Variants in SLC31A1 observed in about 807,000 individuals in gnomAD.
SLC31A1 encodes the protein solute carrier family 31 member 1.
SLC31A1 carries 5 observed loss-of-function variants against 17.2 expected under a neutral mutation model. That is an observed-to-expected ratio of 0.29 (90% confidence interval 0.15 to 0.61). The LOEUF (loss-of-function observed/expected upper bound fraction) is 0.61, where lower values mean the gene tolerates loss of function less well. Among genes scored for constraint, SLC31A1 ranks in the 20% least tolerant of loss-of-function variants. The probability of loss-of-function intolerance (pLI) is 0.86; values close to 1 mark genes in which losing one functional copy is unlikely to be tolerated. For synonymous variants in SLC31A1, 76 were observed against 78.8 expected (o/e 0.96, Z 0.19); for missense variants, 161 against 241.4 (o/e 0.67, Z 2.21).
chr9:113,260,218 G>C, intron 4 of SLC31A1, 54 bp from the exon 5 acceptor site: 2 of 1,503,406 alleles, frequency 1.3e-6, no homozygotes, highest in Non-Finnish European at 1.9e-6. Context: ...TCTTTCTCCT[G>C]ATCTGCAGAA....
At chr9:113,240,184 A>G (rs7851395) in intron 1 of SLC31A1, among the ~76,000 whole-genome samples, 71,524 of 151,934 alleles carry the variant, frequency 0.47, 17,161 homozygotes, top group South Asian at 0.59. Context: ...TACACAAATG[A>G]TAATTATACC....
At chr9:113,235,884 G>C (rs1831452663) in intron 1 of SLC31A1, among the ~76,000 whole-genome samples, 1 of 152,210 alleles carries the variant, frequency 6.6e-6, no homozygotes, top group Non-Finnish European at 1.5e-5. Context: ...GTTCTGGAAA[G>C]TAATATGAAC....
Position 113,260,441 on chromosome 9 carries a change from G to A in SLC31A1, c.541G>A (p.Val181Met). The A allele has an allele frequency of 6.2e-7, 1 of 1,614,084 alleles. No homozygotes were observed. The highest frequency in any genetic ancestry group is 8.5e-7 in the Non-Finnish European group (1 of 1,180,018). ...CTTCCTCTTCAGCTGGAAGAAGGCA[G>A]TGGTAGTGGATATCACAGAGCATTG... ...GYFLFSWKKA[V>M]VVDITEHCH The change falls in exon 5 of 5, where the codon GTG (valine) becomes ATG (methionine). Residue 181 changes from valine (V) to methionine (M), a missense_variant. Coordinates refer to ENST00000374212, the MANE Select transcript of SLC31A1 (RefSeq NM_001859.4).
chr9:113,250,765 A>G (rs1207765057), intron 1 of SLC31A1, among the ~76,000 whole-genome samples: 1 of 151,168 alleles, frequency 6.6e-6, no homozygotes, highest in African/African-American at 2.4e-5. Context: ...ATATATTCAG[A>G]TTTTTTTGGT....
intron 1 of SLC31A1, chr9:113,255,885 C>T (rs555607286): frequency 2.7e-5 from 7 of 260,596 alleles, no homozygotes; most frequent in African/African-American, 1.1e-4. Flanking sequence ...AAGTATTTAC[C>T]AAGAAACAAG....
intron 2 of SLC31A1, 108 bp from the exon 3 acceptor site, chr9:113,257,005 T>C (rs1831736177): frequency 1.1e-6 from 1 of 931,306 alleles, no homozygotes; most frequent in Non-Finnish European, 1.8e-6. Context: ...CGTGAATGTC[T>C]CTTATTATCC....
chr9:113,240,090 G>A (rs917723814), intron 1 of SLC31A1, among the ~76,000 whole-genome samples: 1 of 152,016 alleles, frequency 6.6e-6, no homozygotes, highest in African/African-American at 2.4e-5. Flanking sequence ...CCTCTCTTTC[G>A]CTTCCCACCT....
rs1453547543 is a variant in SLC31A1 at position 113,263,947 on chromosome 9, G to GCCTC, written c.*3475_*3476insCTCC. The GCCTC allele has an allele frequency of 6.6e-6, 1 of 152,214 alleles. No homozygotes were observed. The highest frequency in any genetic ancestry group is 2.4e-5 in the African/African-American group (1 of 41,448). 9.4% of individuals were successfully genotyped at this position (152,214 alleles called of 1,614,324 possible). A position where few individuals can be genotyped will look rare whatever the true frequency, so the allele number is the denominator to read the frequency against. Reference sequence around the variant, plus strand: ...AGTCATAAGGGGTTCCTTATAAGGAGCAGGCGGAGGGGAGTACACTTTCAT... The same window carrying GCCTC: ...AGTCATAAGGGGTTCCTTATAAGGAGCCTCCAGGCGGAGGGGAGTACACTTTCAT... On this transcript the variant is annotated 3_prime_UTR_variant, in exon 5 of 5. Transcript: ENST00000374212.
chr9:113,255,644 C>T (rs1490940423), intron 1 of SLC31A1, among the ~76,000 whole-genome samples: 1 of 152,096 alleles, frequency 6.6e-6, no homozygotes, highest in Non-Finnish European at 1.5e-5. Flanking sequence ...GAGTTGCACT[C>T]CAGCCTGGGT....
intron 4 of SLC31A1, among the ~76,000 whole-genome samples, chr9:113,259,583 CT>C (rs34039262): frequency 0.42 from 51,887 of 124,064 alleles, 9,908 homozygotes; most frequent in South Asian, 0.54. Flanking sequence ...TTTTTTCTTT[CT>C]TTTTTTTTTT....
At chr9:113,231,454 C>T (rs1328556947) in intron 1 of SLC31A1, among the ~76,000 whole-genome samples, 2 of 151,994 alleles carry the variant, frequency 1.3e-5, no homozygotes, top group Admixed American at 1.3e-4. Context: ...TTCCCAGCTA[C>T]TCTGGAGGCT....
chr9:113,235,824 G>T (rs1260189952), intron 1 of SLC31A1, among the ~76,000 whole-genome samples: 1 of 152,216 alleles, frequency 6.6e-6, no homozygotes, highest in African/African-American at 2.4e-5. Context: ...TGCCCTTGCT[G>T]TTTCTGCTTT....
intron 1 of SLC31A1, among the ~76,000 whole-genome samples, chr9:113,252,546 C>T (rs1460978771): frequency 6.6e-6 from 1 of 152,192 alleles, no homozygotes; most frequent in African/African-American, 2.4e-5. Flanking sequence ...GCCTTGGCCT[C>T]CCAAAGTGCT....
chr9:113,224,532 G>A (rs1317566073), intron 1 of SLC31A1, among the ~76,000 whole-genome samples: 2 of 151,696 alleles, frequency 1.3e-5, no homozygotes, highest in Non-Finnish European at 2.9e-5. Flanking sequence ...GGGTTCAAGC[G>A]ATTCTCCAGC....
chr9:113,233,738 A>T (rs1831424628), intron 1 of SLC31A1, among the ~76,000 whole-genome samples: 1 of 152,226 alleles, frequency 6.6e-6, no homozygotes, highest in South Asian at 2.1e-4. Context: ...GAATTTCAAA[A>T]TAAACAAATG....
At chr9:113,236,589 C>T (rs1215749458) in intron 1 of SLC31A1, among the ~76,000 whole-genome samples, 1 of 150,724 alleles carries the variant, frequency 6.6e-6, no homozygotes, top group Non-Finnish European at 1.5e-5. Context: ...GTTTCAATCT[C>T]CTGACCTCGT....
chr9:113,257,731 A>G (rs1032999872), intron 3 of SLC31A1, among the ~76,000 whole-genome samples: 4 of 151,746 alleles, frequency 2.6e-5, no homozygotes, highest in Non-Finnish European at 4.4e-5. Flanking sequence ...CAAGTGATCC[A>G]CCCACCTCAG....
chr9:113,258,584 C>A lies in SLC31A1; in HGVS notation c.203-110C>A. ...AGAAGAGGTAAAAATATAATGTCTT[C>A]AAAAGCTGAGAGTAGCATTTTTTCT... On this transcript the variant is annotated intron_variant, in intron 3 of 4. Coordinates refer to ENST00000374212, the MANE Select transcript of SLC31A1 (RefSeq NM_001859.4). The surrounding 1 kb of genome is among the most constrained non-coding windows in gnomAD (Gnocchi z 4.8). The A allele has an allele frequency of 8.3e-7, 1 of 1,208,226 alleles. No homozygotes were observed. Among genetic ancestry groups the A allele is most frequent in the Non-Finnish European group, 1.2e-6 (1 of 817,130 alleles). 74.8% of individuals were successfully genotyped at this position (1,208,226 alleles called of 1,614,324 possible).
rs1172952511 is a variant in SLC31A1, at chr9:113,263,615, A to C, written c.*3142A>C. ...CCATAGCCCTCCTGATGCAGTAGAC[A>C]GTGCTATGCTGTGGATATAATACCA... is the stretch of plus-strand genomic sequence containing the variant. On this transcript the variant is annotated 3_prime_UTR_variant, in exon 5 of 5. Coordinates refer to ENST00000374212, the MANE Select transcript of SLC31A1 (RefSeq NM_001859.4). 1 of 152,636 alleles carries C rather than the reference A, an allele frequency of 6.6e-6. No individual in the cohort carries two copies. The highest frequency in any genetic ancestry group is 2.4e-5 in the African/African-American group (1 of 41,438). The allele number at this position is 152,636 out of a possible 1,614,324, so 9.5% of individuals were successfully genotyped here.
Sources: allele counts gnomAD v4.1 joint callset (sites outside exome capture counted in the v4.1 genomes callset), GRCh38; gene constraint gnomAD v4.1.1; non-coding constraint Gnocchi (gnomAD v3.1); transcripts MANE v1.5; gene names NCBI Gene and HGNC (gene_info 2026-07-23, HGNC 2026-07-21).